APP: variants seen among roughly 807,000 people sequenced by gnomAD.
APP encodes the protein amyloid beta precursor protein.
APP carries 31 observed loss-of-function variants against 101.4 expected under a neutral mutation model. That is an observed-to-expected ratio of 0.31 (90% CI 0.23 to 0.41). APP has a LOEUF of 0.41. Ranked by LOEUF, APP falls within the 10% of genes least tolerant of loss-of-function variation. The pLI is 1.00. For synonymous variants in APP, 366 were observed against 364.4 expected, an observed-to-expected ratio of 1.00 and a Z score of -0.05; for missense variants, 839 against 1,003.7, an observed-to-expected ratio of 0.84 and a Z score of 2.22.
At chr21:25,897,393 C>T (rs919354241) in intron 16 of APP, among the ~76,000 whole-genome samples, 180 bp downstream of exon 16, 6 of 152,204 alleles carry the variant, frequency 3.9e-5, no homozygotes, top group Non-Finnish European at 5.9e-5. Context: ...GGATTACAGG[C>T]TTGAGCCACT....
chr21:25,995,194 T>C lies in APP; in HGVS notation c.1090+2166A>G, dbSNP rs141039891. On this transcript the variant is annotated intron_variant, in intron 8 of 17. Coordinates refer to ENST00000346798, the MANE Select transcript of APP (RefSeq NM_000484.4). ...GCTTGTTTCCATCAGTTATTAAAAATGGAAAAATAGAATTCTTATAAATGC... is the reference window on the plus strand; with the variant it reads ...GCTTGTTTCCATCAGTTATTAAAAACGGAAAAATAGAATTCTTATAAATGC... 1.6e-4 allele frequency among the ~76,000 whole-genome samples: 24 copies of C among 152,262 alleles called. No individual in the cohort carries two copies. The East Asian group carries it at 3.1e-3, about 20-fold the overall frequency.
intron 3 of APP, among the ~76,000 whole-genome samples, chr21:26,065,867 T>C (rs2046434713): frequency 1.3e-5 from 2 of 152,212 alleles, no homozygotes; most frequent in Admixed American, 6.5e-5. Flanking sequence ...AAGATGGAAT[T>C]GTAAGAGTAA....
intron 6 of APP, among the ~76,000 whole-genome samples, chr21:26,018,706 T>G (rs899099697): frequency 6.6e-6 from 1 of 152,188 alleles, no homozygotes; most frequent in Admixed American, 6.5e-5. Context: ...CATTAAAGAT[T>G]CCTCTATTTC....
intron 2 of APP, among the ~76,000 whole-genome samples, chr21:26,108,562 G>T (rs1697519784): frequency 6.6e-6 from 1 of 152,020 alleles, no homozygotes; most frequent in African/African-American, 2.4e-5. Context: ...TTGTTTAAAT[G>T]CAAATCTACA....
intron 8 of APP, among the ~76,000 whole-genome samples, chr21:25,986,398 G>T (rs1322477290): frequency 1.3e-5 from 2 of 152,130 alleles, no homozygotes. Flanking sequence ...AGATTCCACG[G>T]AACCTCTGAT....
chr21:26,062,898 G>A (rs1221300268), intron 3 of APP, among the ~76,000 whole-genome samples: 1 of 151,994 alleles, frequency 6.6e-6, no homozygotes, highest in Non-Finnish European at 1.5e-5. Context: ...GGGTAGCTGG[G>A]ACTACAGGCA....
chr21:26,019,210 C>T (rs1027869408), intron 6 of APP, among the ~76,000 whole-genome samples: 1 of 152,248 alleles, frequency 6.6e-6, no homozygotes, highest in Non-Finnish European at 1.5e-5. Flanking sequence ...TAATCACCTG[C>T]AGTTAATGCC....
Position 26,015,334 on chromosome 21 carries a change from T to C in APP, c.865+6506A>G, listed in dbSNP as rs58797491. ...ACTGTATACCAGGAATTATGCAAAG[T>C]GTTTCCTATAAATTAATTAATTTAA... On this transcript the variant is annotated intron_variant, in intron 6 of 17. Coordinates refer to ENST00000346798, the MANE Select transcript of APP (RefSeq NM_000484.4). Among the ~76,000 whole-genome samples the C allele has an allele frequency of 2.3e-3, 350 of 152,312 alleles. 1 individual carries two copies. The highest frequency in any genetic ancestry group is 8.0e-3 in the African/African-American group (334 of 41,578).
At chr21:26,076,225 ATTTTC>A (rs1276736478) in intron 3 of APP, among the ~76,000 whole-genome samples, 1 of 151,808 alleles carries the variant, frequency 6.6e-6, no homozygotes, top group Non-Finnish European at 1.5e-5. Flanking sequence ...ACACCTCTTC[ATTTTC>A]TTTACGTATC....
At chr21:25,896,678 C>T (rs1190054960) in intron 16 of APP, among the ~76,000 whole-genome samples, 1 of 152,124 alleles carries the variant, frequency 6.6e-6, no homozygotes, top group Non-Finnish European at 1.5e-5. Flanking sequence ...GGAGATGTGG[C>T]TTTTTGATTT....
intron 6 of APP, among the ~76,000 whole-genome samples, chr21:26,000,942 ATATT>A (rs1197835002): frequency 6.6e-6 from 1 of 151,756 alleles, no homozygotes; most frequent in African/African-American, 2.4e-5. Context: ...TATTTAATTG[ATATT>A]TATATATTAA....
At chr21:26,090,632 T>C (rs1001395383) in intron 2 of APP, among the ~76,000 whole-genome samples, 2 of 152,204 alleles carry the variant, frequency 1.3e-5, no homozygotes, top group Admixed American at 6.5e-5. Flanking sequence ...GGGGTGATTT[T>C]TGATGTGAAA....
intron 3 of APP, among the ~76,000 whole-genome samples, chr21:26,064,233 T>A (rs1223091396): frequency 6.6e-6 from 1 of 152,118 alleles, no homozygotes; most frequent in Non-Finnish European, 1.5e-5. Flanking sequence ...ACTAAGGACA[T>A]CTGAATAAAG....
chr21:26,002,340 A>G (rs1464232296), intron 6 of APP, among the ~76,000 whole-genome samples: 3 of 152,240 alleles, frequency 2.0e-5, no homozygotes, highest in Non-Finnish European at 4.4e-5. Flanking sequence ...AGCAACGTGT[A>G]TAGGGAAGTA....
chr21:25,926,873 T>C (rs12482330), intron 13 of APP, among the ~76,000 whole-genome samples: 103,023 of 151,462 alleles, frequency 0.68, 35,324 homozygotes, highest in South Asian at 0.76. Context: ...GATGTGGTGG[T>C]GGCACTGTAG....
chr21:26,160,389 G>A (rs562458690), intron 1 of APP, among the ~76,000 whole-genome samples: 11 of 152,182 alleles, frequency 7.2e-5, no homozygotes, highest in African/African-American at 2.6e-4. Context: ...AAATTTTCTG[G>A]ATTCTGTGGT....
chr21:25,971,422 T>TA (rs1021618086), intron 11 of APP, among the ~76,000 whole-genome samples: 1 of 152,210 alleles, frequency 6.6e-6, no homozygotes, highest in Non-Finnish European at 1.5e-5. Context: ...AATGAGGACT[T>TA]ACAGCTGCCA....
At chr21:26,073,384 G>A (rs2061443551) in intron 3 of APP, among the ~76,000 whole-genome samples, 1 of 152,190 alleles carries the variant, frequency 6.6e-6, no homozygotes, top group South Asian at 2.1e-4. Flanking sequence ...CGATGCCACT[G>A]AGAGACTGTG....
chr21:25,893,361 TTAAAG>T (rs1456907130), intron 16 of APP, among the ~76,000 whole-genome samples: 1 of 152,150 alleles, frequency 6.6e-6, no homozygotes, highest in Non-Finnish European at 1.5e-5. Flanking sequence ...GTCTCTCACT[TTAAAG>T]CAAAAGCTAG....
Sources: gnomAD v4.1 joint callset for allele counts (sites outside exome capture counted in the v4.1 genomes callset) on GRCh38, gnomAD v4.1.1 for gene constraint, MANE v1.5 for transcripts, NCBI Gene and HGNC (gene_info 2026-07-23, HGNC 2026-07-21) for gene names.